FSTL5: variants seen among roughly 807,000 people sequenced by gnomAD.
FSTL5 encodes follistatin-related protein 5.
Under a neutral mutation model 89.1 loss-of-function variants are expected in FSTL5, and 62 were observed. The observed-to-expected ratio is 0.70, with a 90% CI of 0.57 to 0.86. FSTL5 has a LOEUF of 0.86. Ranked by LOEUF, FSTL5 falls within the 40% of genes least tolerant of loss-of-function variation. The pLI is 0.00. For missense variants in FSTL5, 1,057 were observed against 1,001.6 expected (o/e 1.06, Z -0.75); for synonymous variants, 383 against 346.2 (o/e 1.11, Z -1.18).
chr4:161,430,548 GGC>G (rs1259534447), intron 15 of FSTL5, among the ~76,000 whole-genome samples: 1 of 152,130 alleles, frequency 6.6e-6, no homozygotes, highest in Non-Finnish European at 1.5e-5. Context: ...AGACCATCCT[GGC>G]TAACACGGTG....
At chr4:162,097,842 TG>T in intron 2 of FSTL5, among the ~76,000 whole-genome samples, 1 of 152,062 alleles carries the variant, frequency 6.6e-6, no homozygotes, top group South Asian at 2.1e-4. Flanking sequence ...GTGGACCACC[TG>T]GAAATTTCAT....
At chr4:161,780,909 G>A (rs1328084187) in intron 4 of FSTL5, among the ~76,000 whole-genome samples, 1 of 152,006 alleles carries the variant, frequency 6.6e-6, no homozygotes, top group Non-Finnish European at 1.5e-5. Flanking sequence ...CCAGTAAAAA[G>A]TACCAATTCC....
At chr4:161,756,567 A>C (rs1740578544) in intron 6 of FSTL5, among the ~76,000 whole-genome samples, 1 of 152,014 alleles carries the variant, frequency 6.6e-6, no homozygotes, top group Non-Finnish European at 1.5e-5. Context: ...GATTATTTAG[A>C]TTTCTGACTT....
At chr4:161,605,837 G>T (rs1470883632) in intron 7 of FSTL5, among the ~76,000 whole-genome samples, 2 of 152,174 alleles carry the variant, frequency 1.3e-5, no homozygotes, top group African/African-American at 2.4e-5. Context: ...CATGTCAGTT[G>T]TTCTGTAACT....
chr4:161,957,505 A>T (rs1560936439), intron 3 of FSTL5, among the ~76,000 whole-genome samples: 1 of 152,080 alleles, frequency 6.6e-6, no homozygotes, highest in African/African-American at 2.4e-5. Flanking sequence ...AAATCAGGGT[A>T]GAAGAAGAAA....
chr4:161,606,240 A>ATTTTTTTTTTTTTTTT (rs71598720), intron 7 of FSTL5, among the ~76,000 whole-genome samples: 1 of 117,868 alleles, frequency 8.5e-6, no homozygotes, highest in Non-Finnish European at 1.7e-5. Flanking sequence ...ATTATCTGTG[A>ATTTTTTTTTTTTTTTT]TTTTTTTTTT....
chr4:161,780,402 T>A (rs527915456), intron 4 of FSTL5, among the ~76,000 whole-genome samples: 1 of 152,244 alleles, frequency 6.6e-6, no homozygotes, highest in South Asian at 2.1e-4. Context: ...CAGAGTGAGA[T>A]TGGCATAGCT....
At chr4:161,480,499 T>C (rs1278347807) in intron 13 of FSTL5, among the ~76,000 whole-genome samples, 1 of 152,198 alleles carries the variant, frequency 6.6e-6, no homozygotes, top group Non-Finnish European at 1.5e-5. Context: ...TGTGAAAGCA[T>C]GACGATGACA....
At chr4:162,134,172 C>T (rs1293170819) in intron 1 of FSTL5, among the ~76,000 whole-genome samples, 1 of 152,174 alleles carries the variant, frequency 6.6e-6, no homozygotes, top group Admixed American at 6.6e-5. Flanking sequence ...TCTTTCACCT[C>T]CATCTCTGGG....
chr4:161,787,735 G>C (rs182658513), intron 4 of FSTL5, among the ~76,000 whole-genome samples: 22 of 152,228 alleles, frequency 1.4e-4, no homozygotes, highest in Admixed American at 5.9e-4. Context: ...TACATACATA[G>C]AACAAAATCT....
At chr4:161,649,738 A>G (rs1736272527) in intron 7 of FSTL5, among the ~76,000 whole-genome samples, 1 of 152,214 alleles carries the variant, frequency 6.6e-6, no homozygotes, top group Non-Finnish European at 1.5e-5. Context: ...TCTATTTACT[A>G]GCCTCCCTGC....
intron 6 of FSTL5, among the ~76,000 whole-genome samples, chr4:161,730,239 G>A (rs1739560697): frequency 6.6e-6 from 1 of 151,988 alleles, no homozygotes; most frequent in African/African-American, 2.4e-5. Context: ...TTGAGGATTG[G>A]TGAGCATCTA....
intron 5 of FSTL5, among the ~76,000 whole-genome samples, chr4:161,765,888 G>A (rs916688214): frequency 4.6e-5 from 7 of 151,030 alleles, no homozygotes; most frequent in South Asian, 2.1e-4. Flanking sequence ...CTTGCCTCCC[G>A]GGTTCAAGCG....
intron 7 of FSTL5, among the ~76,000 whole-genome samples, chr4:161,649,197 G>A (rs561829478): frequency 6.6e-6 from 1 of 152,204 alleles, no homozygotes; most frequent in South Asian, 2.1e-4. Context: ...TAATGAGAAA[G>A]ATAATTCAAG....
Position 161,587,498 on chromosome 4 carries a change from A to T in FSTL5, c.972T>A (p.Asp324Glu). Residue 324 changes from aspartate (D) to glutamate (E), a missense_variant, in exon 8 of 16, where the codon GAT (aspartate) becomes GAA (glutamate). Coordinates refer to ENST00000306100, the MANE Select transcript of FSTL5 (RefSeq NM_020116.5). ...THVGNYTCYA[D>E]GYEQVYQTHI... ...GAGTCTGATAGACTTGTTCATAGCC[A>T]TCTGCATAGCAGGTGTAATTGCCAA... is the stretch of plus-strand genomic sequence containing the variant. 6.2e-7 allele frequency: 1 copy of T among 1,613,210 alleles called. No individual in the cohort carries two copies. The highest frequency in any genetic ancestry group is 8.5e-7 in the Non-Finnish European group (1 of 1,179,342).
chr4:161,992,217 G>T (rs561936306), intron 3 of FSTL5, among the ~76,000 whole-genome samples: 1 of 152,318 alleles, frequency 6.6e-6, no homozygotes, highest in East Asian at 1.9e-4. Flanking sequence ...GACTTTATCT[G>T]AATGGCTCTG....
chr4:161,975,610 G>T (rs1407319468), intron 3 of FSTL5, among the ~76,000 whole-genome samples: 3 of 151,154 alleles, frequency 2.0e-5, no homozygotes, highest in South Asian at 2.1e-4. Flanking sequence ...TGGTGGGGTG[G>T]GGGGAGTGGG....
chr4:161,471,743 T>G (rs574850541), intron 13 of FSTL5, among the ~76,000 whole-genome samples: 1 of 152,276 alleles, frequency 6.6e-6, no homozygotes, highest in Non-Finnish European at 1.5e-5. Context: ...GTAAGTAAAT[T>G]TATTTTTTTC....
At chr4:161,864,696 C>A (rs952427090) in intron 4 of FSTL5, among the ~76,000 whole-genome samples, 1 of 151,512 alleles carries the variant, frequency 6.6e-6, no homozygotes, top group South Asian at 2.1e-4. Context: ...GTGGTGAAAC[C>A]CCATCTCTAG....
Sources: gnomAD v4.1 joint callset for allele counts (sites outside exome capture counted in the v4.1 genomes callset) on GRCh38, gnomAD v4.1.1 for gene constraint, MANE v1.5 for transcripts, NCBI Gene and HGNC (gene_info 2026-07-23, HGNC 2026-07-21) for gene names.